Variants in DEPTOR observed in about 807,000 individuals in gnomAD.
DEPTOR encodes DEP domain containing MTOR interacting protein.
In DEPTOR, 41 loss-of-function variants were observed where a neutral mutation model predicts 41.6. The ratio of observed to expected loss-of-function variants is 0.98; its 90% CI spans 0.77 to 1.28. The LOEUF is 1.28. DEPTOR is among the 50% of genes most tolerant of loss of function. The probability of loss-of-function intolerance (pLI) is 0.00; values close to 1 mark genes in which losing one functional copy is unlikely to be tolerated. For synonymous variants in DEPTOR, 195 were observed against 192.3 expected (o/e 1.01, Z -0.12); for missense variants, 514 against 527.9 (o/e 0.97, Z 0.26).
intron 1 of DEPTOR, among the ~76,000 whole-genome samples, chr8:119,927,927 A>G (rs1254114162): frequency 6.6e-6 from 1 of 152,102 alleles, no homozygotes; most frequent in East Asian, 1.9e-4. Flanking sequence ...AGTGCCTAGA[A>G]GTACCTAACA....
At chr8:119,915,732 T>TTCC (rs1827802081) in intron 1 of DEPTOR, among the ~76,000 whole-genome samples, 1 of 152,188 alleles carries the variant, frequency 6.6e-6, no homozygotes, top group East Asian at 1.9e-4. Flanking sequence ...TGATTTTGGT[T>TTCC]ATCAGTTAGG....
At chr8:120,049,308 T>G (rs1473998080) in intron 8 of DEPTOR, among the ~76,000 whole-genome samples, 1 of 152,012 alleles carries the variant, frequency 6.6e-6, no homozygotes, top group Non-Finnish European at 1.5e-5. Context: ...TAGCTAGTAT[T>G]TAAATACTAG....
intron 4 of DEPTOR, among the ~76,000 whole-genome samples, chr8:119,989,001 AT>A (rs1157110458): frequency 9.5e-6 from 1 of 104,854 alleles, no homozygotes; most frequent in Non-Finnish European, 1.8e-5. Context: ...GGGCTTTACC[AT>A]GTTGCCCAGG....
At chr8:120,016,204 A>T (rs1812609043) in intron 8 of DEPTOR, among the ~76,000 whole-genome samples, 1 of 152,122 alleles carries the variant, frequency 6.6e-6, no homozygotes, top group African/African-American at 2.4e-5. Context: ...AATCTCATTC[A>T]TTTGGGCTCA....
chr8:119,902,976 C>A (rs1453740273), intron 1 of DEPTOR, among the ~76,000 whole-genome samples: 1 of 152,148 alleles, frequency 6.6e-6, no homozygotes, highest in Admixed American at 6.6e-5. Context: ...GTGAAATGTA[C>A]TAAAATTGTG....
At chr8:120,005,929 A>G (rs951480890) in intron 6 of DEPTOR, among the ~76,000 whole-genome samples, 4 of 152,110 alleles carry the variant, frequency 2.6e-5, no homozygotes, top group Admixed American at 6.6e-5. Context: ...AGCATGGCCC[A>G]GAGTAAATGT....
At chr8:119,968,553 C>T (rs75451128) in intron 4 of DEPTOR, among the ~76,000 whole-genome samples, 195 of 152,232 alleles carry the variant, frequency 1.3e-3, no homozygotes, top group African/African-American at 4.6e-3. Context: ...GCGCCTGCCC[C>T]GGTCTCCCAA....
At chr8:119,916,310 G>A (rs1438682995) in intron 1 of DEPTOR, among the ~76,000 whole-genome samples, 1 of 144,020 alleles carries the variant, frequency 6.9e-6, no homozygotes, top group Non-Finnish European at 1.5e-5. Context: ...TTTAGAAATG[G>A]GGGTTTCACC....
intron 4 of DEPTOR, among the ~76,000 whole-genome samples, chr8:119,971,305 A>C (rs2129988644): frequency 6.6e-6 from 1 of 152,170 alleles, no homozygotes; most frequent in South Asian, 2.1e-4. Flanking sequence ...GAAAAAGCAA[A>C]CCAATTTATT....
intron 4 of DEPTOR, among the ~76,000 whole-genome samples, chr8:120,000,786 T>C (rs895591981): frequency 6.0e-5 from 9 of 151,196 alleles, no homozygotes; most frequent in African/African-American, 2.2e-4. Context: ...TTTTTAAAAA[T>C]GAATTGAGGG....
intron 8 of DEPTOR, among the ~76,000 whole-genome samples, chr8:120,048,754 A>G (rs1238497472): frequency 6.6e-6 from 1 of 152,060 alleles, no homozygotes; most frequent in Admixed American, 6.6e-5. Context: ...GTGTTTGCAA[A>G]GAGGTTTCAA....
At chr8:119,940,695 G>A (rs572498552) in intron 3 of DEPTOR, among the ~76,000 whole-genome samples, 3 of 152,154 alleles carry the variant, frequency 2.0e-5, no homozygotes, top group South Asian at 2.1e-4. Flanking sequence ...AGCCGAAATC[G>A]CGCCATTGCA....
intron 8 of DEPTOR, among the ~76,000 whole-genome samples, chr8:120,041,443 T>C (rs1158408168): frequency 6.6e-6 from 1 of 152,236 alleles, no homozygotes; most frequent in Non-Finnish European, 1.5e-5. Context: ...GAGTTCAGCC[T>C]AGGTATTTAT....
At chr8:120,007,497 C>T (rs1052614709) in intron 7 of DEPTOR, among the ~76,000 whole-genome samples, 4 of 152,128 alleles carry the variant, frequency 2.6e-5, no homozygotes, top group African/African-American at 7.2e-5. Flanking sequence ...CTAATGCCTA[C>T]GTTGGATTTC....
intron 3 of DEPTOR, among the ~76,000 whole-genome samples, chr8:119,939,239 C>T (rs953469497): frequency 6.6e-6 from 1 of 152,176 alleles, no homozygotes; most frequent in African/African-American, 2.4e-5. Flanking sequence ...CCCTAGGTCA[C>T]CTAACTTTGT....
intron 1 of DEPTOR, among the ~76,000 whole-genome samples, chr8:119,877,874 G>T (rs1827249040): frequency 6.6e-6 from 1 of 152,112 alleles, no homozygotes; most frequent in African/African-American, 2.4e-5. Context: ...TATGACTATT[G>T]TAACCTCCAG....
At chr8:119,880,090 C>T (rs909116389) in intron 1 of DEPTOR, among the ~76,000 whole-genome samples, 3 of 149,208 alleles carry the variant, frequency 2.0e-5, no homozygotes, top group East Asian at 2.0e-4. Context: ...TGCAGTGAGC[C>T]GAGATTGCGC....
intron 4 of DEPTOR, among the ~76,000 whole-genome samples, chr8:119,986,296 G>C (rs1025440735): frequency 6.6e-6 from 1 of 152,062 alleles, no homozygotes; most frequent in Non-Finnish European, 1.5e-5. Context: ...AGCGTAGTTT[G>C]GCCTGCATAT....
At position 120,009,068 on chromosome 8, in the gene DEPTOR, G is replaced by A; in HGVS notation, c.1036G>A (p.Gly346Arg). The A allele has an allele frequency of 6.2e-7, 1 of 1,614,102 alleles. No homozygotes were observed. The highest frequency in any genetic ancestry group is 1.1e-5 in the South Asian group (1 of 91,052). ...GGTTGGCTGGGGTTTTGTGGTGCGAGGAAGTAAGCCATGCCACATCCAGGC... is the reference window on the plus strand; with the variant it reads ...GGTTGGCTGGGGTTTTGTGGTGCGAAGAAGTAAGCCATGCCACATCCAGGC... ...DAVGWGFVVR[G>R]SKPCHIQAVD... Residue 346 changes from glycine to arginine, a missense_variant, in exon 8 of 9, where the codon GGA becomes AGA. Transcript: ENST00000286234.
Sources: gnomAD v4.1 joint callset for allele counts (sites outside exome capture counted in the v4.1 genomes callset) on GRCh38, gnomAD v4.1.1 for gene constraint, MANE v1.5 for transcripts, NCBI Gene and HGNC (gene_info 2026-07-23, HGNC 2026-07-21) for gene names.